The following PFKM variants were observed in gnomAD, a reference collection of about 807,000 sequenced individuals.
PFKM encodes the protein phosphofructokinase, muscle.
PFKM carries 58 observed loss-of-function variants against 95.5 expected under a neutral mutation model. That is an observed-to-expected ratio of 0.61 (90% CI 0.49 to 0.76). The LOEUF is 0.76. Among genes scored for constraint, PFKM ranks in the 30% least tolerant of loss-of-function variants. The probability of loss-of-function intolerance (pLI) is 0.00; values close to 1 mark genes in which losing one functional copy is unlikely to be tolerated. For missense variants in PFKM, 678 were observed against 1,005.4 expected, an observed-to-expected ratio of 0.67 and a Z score of 4.40; for synonymous variants, 336 against 357.2, an observed-to-expected ratio of 0.94 and a Z score of 0.67.
At chr12:48,130,707 CAG>C (rs1320359355) in intron 3 of PFKM, among the ~76,000 whole-genome samples, 9 of 152,236 alleles carry the variant, frequency 5.9e-5, no homozygotes, top group African/African-American at 2.2e-4. Context: ...TCCCTCAAAA[CAG>C]AGAAAGAAAT....
chr12:48,109,252 A>G (rs1592570569), intron 3 of PFKM, among the ~76,000 whole-genome samples: 1 of 152,338 alleles, frequency 6.6e-6, no homozygotes, highest in Admixed American at 6.5e-5. Context: ...AAGATGCCAT[A>G]GAGATGTAGG....
At chr12:48,144,204 G>C in intron 20 of PFKM, 47 bp downstream of exon 20, 1 of 1,267,226 alleles carries the variant, frequency 7.9e-7, no homozygotes, top group Non-Finnish European at 1.1e-6. Flanking sequence ...AGCCATACCT[G>C]CCAACAGCCA....
At position 48,145,911 on chromosome 12, in the gene PFKM, C is replaced by T; in HGVS notation, c.*203C>T. On this transcript the variant is annotated 3_prime_UTR_variant, in exon 23 of 23. Transcript: ENST00000359794. This position sits in a 1 kb window ranked among gnomAD's most constrained non-coding sequence, Gnocchi z 4.3. ...TTTTAGGTAGAATTTAACATGACTT[C>T]TGCCCCAGCTTTATCTGTCACACAA... 1 of 592,984 alleles carries T rather than the reference C, an allele frequency of 1.7e-6. No homozygotes were observed. The highest frequency in any genetic ancestry group is 2.0e-5 in the South Asian group (1 of 50,002). 36.7% of individuals were successfully genotyped at this position (592,984 alleles called of 1,614,324 possible). A position where few individuals can be genotyped will look rare whatever the true frequency, so the allele number is the denominator to read the frequency against.
upstream of PFKM, among the ~76,000 whole-genome samples, chr12:48,115,259 T>A (rs1190045706): frequency 2.6e-5 from 4 of 152,182 alleles, no homozygotes; most frequent in Non-Finnish European, 5.9e-5. Context: ...GTTTCACGTG[T>A]CCATGTGAAG....
intron 4 of PFKM, 147 bp from the exon 5 acceptor site, chr12:48,132,721 T>A: frequency 2.8e-6 from 2 of 724,102 alleles, no homozygotes; most frequent in South Asian, 3.1e-5. Context: ...TTCCCTTTCC[T>A]TTGGAAGGGA....
At chr12:48,112,579 G>C (rs979920794) in intron 3 of PFKM, among the ~76,000 whole-genome samples, 2 of 152,166 alleles carry the variant, frequency 1.3e-5, no homozygotes, top group African/African-American at 4.8e-5. Context: ...GATGAAGGGT[G>C]CAAAGGAATA....
At chr12:48,144,906 C>T (rs1183035190) in intron 20 of PFKM, 125 bp from the exon 21 acceptor site, 10 of 758,024 alleles carry the variant, frequency 1.3e-5, no homozygotes, top group Non-Finnish European at 2.3e-5. Flanking sequence ...CATAGTTTGA[C>T]TTCTGGATTC....
At position 48,145,420 on chromosome 12, in the gene PFKM, A is replaced by G; in HGVS notation, c.2198+105A>G. On this transcript the variant is annotated intron_variant, in intron 22 of 22. Transcript: ENST00000359794. The surrounding 1 kb of genome is among the most constrained non-coding windows in gnomAD (Gnocchi z 4.3). ...TAATTCTTTTTTTTTTTTAAGGAGT[A>G]ACACCTGTATTCTTACCCATTTCAG... 1 of 1,262,010 alleles carries G rather than the reference A, an allele frequency of 7.9e-7. No homozygotes were observed. Among genetic ancestry groups the G allele is most frequent in the Non-Finnish European group, 1.1e-6 (1 of 873,692 alleles). The allele number at this position is 1,262,010 out of a possible 1,614,324, so 78.2% of individuals were successfully genotyped here. A position where few individuals can be genotyped will look rare whatever the true frequency, so the allele number is the denominator to read the frequency against.
In PFKM at chr12:48,137,717, G is replaced by A. The variant is rs1175020971; in HGVS notation, c.937-4G>A. 3 of 1,614,142 alleles carry A rather than the reference G, an allele frequency of 1.9e-6. No homozygotes were observed. The highest frequency in any genetic ancestry group is 1.1e-5 in the South Asian group (1 of 91,086). ...GACTGTCTTTGTTCTCTGGGCTCCT[G>A]CAGGGCAGCAGGATGGGTGTGGAAG... On this transcript the variant is annotated splice_region_variant and splice_polypyrimidine_tract_variant and intron_variant, in intron 10 of 22. Transcript: ENST00000359794.
chr12:48,142,967 T>A, intron 18 of PFKM, 21 bp downstream of exon 18: 1 of 1,608,662 alleles, frequency 6.2e-7, no homozygotes, highest in Admixed American at 1.7e-5. Flanking sequence ...ACCCAGAGCC[T>A]GCTAGATAGC....
intron 1 of PFKM, chr12:48,122,468 T>A (rs1295936206): frequency 2.9e-6 from 2 of 694,124 alleles, no homozygotes; most frequent in Non-Finnish European, 4.0e-6. Context: ...TTCAGTCAAC[T>A]TCTCTTTTCC....
intron 1 of PFKM, 113 bp from the exon 2 acceptor site, chr12:48,122,654 G>C: frequency 6.4e-7 from 1 of 1,557,628 alleles, no homozygotes; most frequent in South Asian, 1.2e-5. Flanking sequence ...CTCAGACTTG[G>C]TATAGTGGGA....
chr12:48,122,568 C>T, intron 1 of PFKM, 199 bp from the exon 2 acceptor site: 1 of 1,418,414 alleles, frequency 7.1e-7, no homozygotes, highest in Admixed American at 2.7e-5. Context: ...GGCTTGATTA[C>T]ATGACATTTC....
intron 4 of PFKM, 40 bp downstream of exon 4, chr12:48,131,433 C>T: frequency 7.1e-7 from 1 of 1,412,548 alleles, no homozygotes. Context: ...TTTGCTCTGT[C>T]CTTGTTTCAT....
upstream of PFKM, among the ~76,000 whole-genome samples, chr12:48,115,404 G>T (rs186371791): frequency 2.0e-5 from 3 of 152,290 alleles, no homozygotes; most frequent in Admixed American, 2.0e-4. Flanking sequence ...GATAGGCGGT[G>T]GAGTTAAGAG....
intron 2 of PFKM, among the ~76,000 whole-genome samples, chr12:48,123,080 CAG>C (rs1368708968): frequency 3.9e-5 from 6 of 152,134 alleles, no homozygotes; most frequent in Admixed American, 6.5e-5. Flanking sequence ...TCTTTGAAGA[CAG>C]GGGGCTCTTT....
chr12:48,137,626 T>G, intron 10 of PFKM, 95 bp from the exon 11 acceptor site: 2 of 1,455,546 alleles, frequency 1.4e-6, no homozygotes, highest in South Asian at 2.3e-5. Context: ...CTCAGTCTTG[T>G]GATTTGGAAA....
At chr12:48,137,927 G>T in intron 11 of PFKM, 81 bp downstream of exon 11, 1 of 1,479,544 alleles carries the variant, frequency 6.8e-7, no homozygotes. Context: ...CTATGTCTAA[G>T]GCCACTGGTA....
At chr12:48,134,396 T>C in intron 7 of PFKM, 120 bp downstream of exon 7, 1 of 882,474 alleles carries the variant, frequency 1.1e-6, no homozygotes, top group Non-Finnish European at 1.9e-6. Flanking sequence ...ATGCTCCTTG[T>C]GGTGTGGTTC....
Sources: allele counts gnomAD v4.1 joint callset (sites outside exome capture counted in the v4.1 genomes callset), GRCh38; gene constraint gnomAD v4.1.1; non-coding constraint Gnocchi (gnomAD v3.1); transcripts MANE v1.5; gene names NCBI Gene and HGNC (gene_info 2026-07-23, HGNC 2026-07-21).